Variants in CENPC observed in about 807,000 individuals in gnomAD.
CENPC encodes the protein CENP-C 1.
CENPC carries 63 observed loss-of-function variants against 112.1 expected under a neutral mutation model. That is an observed-to-expected ratio of 0.56 (90% CI 0.46 to 0.69). CENPC has a LOEUF of 0.69. Among genes scored for constraint, CENPC ranks in the 30% least tolerant of loss-of-function variants. The pLI, the probability that CENPC is intolerant of heterozygous loss-of-function variation, is 0.00. For synonymous variants in CENPC, 333 were observed against 367.6 expected (o/e 0.91, Z 1.08); for missense variants, 1,000 against 1,103.8 (o/e 0.91, Z 1.33).
At chr4:67,512,952 T>C (rs898015196) in intron 8 of CENPC, among the ~76,000 whole-genome samples, 1 of 152,130 alleles carries the variant, frequency 6.6e-6, no homozygotes, top group South Asian at 2.1e-4. Context: ...ATTTAAAGTG[T>C]GATTAAATTA....
intron 5 of CENPC, 35 bp downstream of exon 5, chr4:67,530,780 T>G (rs1265534028): frequency 9.2e-7 from 1 of 1,088,630 alleles, no homozygotes; most frequent in East Asian, 2.6e-5. Flanking sequence ...TTTAAATATA[T>G]CCAAGCAAAT....
chr4:67,508,416 G>C (rs1468323330), intron 10 of CENPC, among the ~76,000 whole-genome samples: 1 of 149,204 alleles, frequency 6.7e-6, no homozygotes, highest in Non-Finnish European at 1.5e-5. Flanking sequence ...AGGAAGCTAA[G>C]GCAGAAGGAT....
intron 17 of CENPC, among the ~76,000 whole-genome samples, chr4:67,481,242 G>A (rs1008712502): frequency 6.6e-6 from 1 of 151,676 alleles, no homozygotes; most frequent in Non-Finnish European, 1.5e-5. Flanking sequence ...CCAAAGAGAT[G>A]AGAAATCATA....
intron 16 of CENPC, 115 bp downstream of exon 16, chr4:67,492,065 T>G: frequency 1.5e-6 from 1 of 678,848 alleles, no homozygotes. Flanking sequence ...TTCTGGACTT[T>G]AGCACTGATA....
At chr4:67,533,311 C>T (rs965737914) in intron 4 of CENPC, among the ~76,000 whole-genome samples, 7 of 152,164 alleles carry the variant, frequency 4.6e-5, no homozygotes, top group African/African-American at 7.2e-5. Flanking sequence ...AAGTGCCTTT[C>T]GCCCTATGCC....
chr4:67,536,038 G>C (rs1286408086), intron 4 of CENPC, among the ~76,000 whole-genome samples: 1 of 152,102 alleles, frequency 6.6e-6, no homozygotes, highest in South Asian at 2.1e-4. Flanking sequence ...AAGAAGAAAA[G>C]TATGTAAAAA....
chr4:67,545,414 C>A lies in CENPC; in HGVS notation c.-59G>T. 1.4e-6 allele frequency: 2 copies of A among 1,451,590 alleles called. No individual in the cohort carries two copies. The highest frequency in any genetic ancestry group is 1.8e-6 in the Non-Finnish European group (2 of 1,096,562). 89.9% of individuals were successfully genotyped at this position (1,451,590 alleles called of 1,614,324 possible). On this transcript the variant is annotated 5_prime_UTR_variant, in exon 1 of 19. Coordinates refer to ENST00000273853, the MANE Select transcript of CENPC (RefSeq NM_001812.4). Reference sequence around the variant, plus strand: ...AGGTGGAAGCCCACACGGACCACAGCTCCAGGAAGCCGAGCAAGAAACGAA... The same window carrying A: ...AGGTGGAAGCCCACACGGACCACAGATCCAGGAAGCCGAGCAAGAAACGAA...
chr4:67,540,721 T>C (rs1726862927), intron 3 of CENPC, among the ~76,000 whole-genome samples: 1 of 152,200 alleles, frequency 6.6e-6, no homozygotes, highest in African/African-American at 2.4e-5. Flanking sequence ...TAATTATGTA[T>C]GGACTTCCAG....
intron 18 of CENPC, among the ~76,000 whole-genome samples, chr4:67,473,015 C>A (rs899201396): frequency 2.0e-5 from 3 of 152,114 alleles, no homozygotes; most frequent in African/African-American, 7.2e-5. Flanking sequence ...CAGACATACT[C>A]ATATATAGAT....
intron 12 of CENPC, among the ~76,000 whole-genome samples, chr4:67,504,620 G>T (rs548934507): frequency 4.4e-4 from 67 of 152,196 alleles, no homozygotes; most frequent in African/African-American, 1.4e-3. Context: ...AGGAGTTTAA[G>T]ACCAGCCTGG....
chr4:67,475,116 A>G (rs1437252379), intron 17 of CENPC, 138 bp from the exon 18 acceptor site: 2 of 603,914 alleles, frequency 3.3e-6, no homozygotes, highest in East Asian at 5.7e-5. Flanking sequence ...AAATACATTA[A>G]ATTTCATGGC....
intron 7 of CENPC, among the ~76,000 whole-genome samples, chr4:67,517,103 G>A (rs1259017541): frequency 2.0e-5 from 3 of 151,834 alleles, no homozygotes; most frequent in African/African-American, 4.9e-5. Flanking sequence ...ATCAACTACA[G>A]GAAGCAGAGA....
In CENPC at chr4:67,545,451, C is replaced by A; in HGVS notation, c.-96G>T. ...GAGCAAGAAACGAATCGCCGGAATA[C>A]CAGGCCGCGGCCAAGCAATAACCTT... is the stretch of plus-strand genomic sequence containing the variant. On this transcript the variant is annotated 5_prime_UTR_variant, in exon 1 of 19. Coordinates refer to ENST00000273853, the MANE Select transcript of CENPC (RefSeq NM_001812.4). 1 of 1,317,606 alleles carries A rather than the reference C, an allele frequency of 7.6e-7. No individual in the cohort carries two copies. Among genetic ancestry groups the A allele is most frequent in the Non-Finnish European group, 1.0e-6 (1 of 992,434 alleles). The allele number at this position is 1,317,606 out of a possible 1,614,324, so 81.6% of individuals were successfully genotyped here.
Position 67,545,386 on chromosome 4 carries a change from C to T in CENPC, c.-31G>A. On this transcript the variant is annotated 5_prime_UTR_variant, in exon 1 of 19. Coordinates refer to ENST00000273853, the MANE Select transcript of CENPC (RefSeq NM_001812.4). Reference sequence around the variant, plus strand: ...GGCCCCGCTGAGCCAGCGCAACTGTCTGAGGTGGAAGCCCACACGGACCAC... The same window carrying T: ...GGCCCCGCTGAGCCAGCGCAACTGTTTGAGGTGGAAGCCCACACGGACCAC... 1.3e-6 allele frequency: 2 copies of T among 1,511,652 alleles called. No homozygotes were observed. Among genetic ancestry groups the T allele is most frequent in the Non-Finnish European group, 1.8e-6 (2 of 1,125,812 alleles). 93.6% of individuals were successfully genotyped at this position (1,511,652 alleles called of 1,614,324 possible).
chr4:67,481,414 A>G (rs1453996508), intron 17 of CENPC, among the ~76,000 whole-genome samples: 1 of 152,154 alleles, frequency 6.6e-6, no homozygotes, highest in Non-Finnish European at 1.5e-5. Context: ...CCTAAAATTC[A>G]TTATGGAACC....
intron 4 of CENPC, among the ~76,000 whole-genome samples, chr4:67,537,131 A>C (rs973892822): frequency 2.0e-5 from 3 of 152,130 alleles, no homozygotes; most frequent in Non-Finnish European, 2.9e-5. Context: ...GGAAAAAGAC[A>C]TGACAAAACA....
intron 17 of CENPC, among the ~76,000 whole-genome samples, chr4:67,485,794 T>C (rs1725078987): frequency 1.3e-5 from 2 of 152,230 alleles, no homozygotes; most frequent in South Asian, 2.1e-4. Flanking sequence ...TTAATGTATA[T>C]GCCCACTAAT....
chr4:67,479,134 A>G (rs975964856), intron 17 of CENPC, among the ~76,000 whole-genome samples: 2 of 152,344 alleles, frequency 1.3e-5, no homozygotes, highest in East Asian at 3.9e-4. Flanking sequence ...AAGGTCTTCA[A>G]TACCCCACTG....
At chr4:67,486,030 A>C (rs1725085101) in intron 17 of CENPC, among the ~76,000 whole-genome samples, 1 of 152,202 alleles carries the variant, frequency 6.6e-6, no homozygotes, top group South Asian at 2.1e-4. Flanking sequence ...TAATAAGACA[A>C]AAAAAGTTAT....
Sources: gnomAD v4.1 joint callset for allele counts (sites outside exome capture counted in the v4.1 genomes callset) on GRCh38, gnomAD v4.1.1 for gene constraint, MANE v1.5 for transcripts, NCBI Gene and HGNC (gene_info 2026-07-23, HGNC 2026-07-21) for gene names.